The following KCNN3 variants were observed in gnomAD, a reference collection of about 807,000 sequenced individuals.
KCNN3 encodes the protein small conductance calcium-activated potassium channel protein 3.
KCNN3 carries 16 observed loss-of-function variants against 62.9 expected under a neutral mutation model. The ratio of observed to expected loss-of-function variants is 0.25; its 90% CI spans 0.17 to 0.39. The LOEUF is 0.39. KCNN3 is among the 10% of genes least tolerant of loss of function. The probability of loss-of-function intolerance (pLI) is 1.00; values close to 1 mark genes in which losing one functional copy is unlikely to be tolerated. For synonymous variants in KCNN3, 370 were observed against 389.2 expected (o/e 0.95, Z 0.58); for missense variants, 599 against 949.4 (o/e 0.63, Z 4.85).
At chr1:154,838,239 A>G (rs1268039305) in intron 1 of KCNN3, among the ~76,000 whole-genome samples, 1 of 152,154 alleles carries the variant, frequency 6.6e-6, no homozygotes, top group East Asian at 1.9e-4. Flanking sequence ...TGAGGCCTCG[A>G]CTTGGCCAAA....
intron 2 of KCNN3, among the ~76,000 whole-genome samples, chr1:154,780,484 G>C (rs74748492): frequency 0.038 from 5,734 of 149,498 alleles, 160 homozygotes; most frequent in Non-Finnish European, 0.06. Flanking sequence ...TCTGTGGGGA[G>C]AAGAACTTCC....
chr1:154,803,297 T>C (rs771668696), intron 2 of KCNN3, among the ~76,000 whole-genome samples: 81 of 152,300 alleles, frequency 5.3e-4, no homozygotes, highest in Middle Eastern at 3.4e-3. Flanking sequence ...CCCAGGCTAC[T>C]GTAAACATTT....
intron 2 of KCNN3, among the ~76,000 whole-genome samples, chr1:154,797,877 T>C (rs1442285915): frequency 6.6e-6 from 1 of 152,160 alleles, no homozygotes; most frequent in Middle Eastern, 3.2e-3. Context: ...AGGTGTCTTC[T>C]CTCTCTAGGC....
rs900931495 is a variant in KCNN3, at chr1:154,803,467, A to C, written c.1029+18622T>G. Among the ~76,000 whole-genome samples the C allele has an allele frequency of 1.5e-4, 23 of 152,204 alleles. 1 individual carries two copies. Among genetic ancestry groups the C allele is most frequent in the Admixed American group, 7.2e-4 (11 of 15,284 alleles). ...TAGCTCAGTAAGCCCTTTATAAATA[A>C]ACACGTTCATCAACATCTGTCTGCC... is the stretch of plus-strand genomic sequence containing the variant. On this transcript the variant is annotated intron_variant, in intron 2 of 7. Transcript: ENST00000271915.
chr1:154,777,369 G>C (rs559350543), intron 2 of KCNN3, among the ~76,000 whole-genome samples: 71 of 152,224 alleles, frequency 4.7e-4, no homozygotes, highest in Admixed American at 1.8e-3. Flanking sequence ...GTGAATAAAG[G>C]GGTGTGTAGG....
intron 2 of KCNN3, among the ~76,000 whole-genome samples, chr1:154,818,693 T>C (rs1650770595): frequency 6.6e-6 from 1 of 152,236 alleles, no homozygotes. Context: ...CAACTGAAGC[T>C]GCTGGCACCC....
intron 3 of KCNN3, among the ~76,000 whole-genome samples, chr1:154,759,372 CA>C (rs1647895796): frequency 6.6e-6 from 1 of 152,196 alleles, no homozygotes; most frequent in South Asian, 2.1e-4. Context: ...GAGGGGCAAA[CA>C]AAACAACCCC....
At chr1:154,836,274 C>T (rs545603328) in intron 1 of KCNN3, among the ~76,000 whole-genome samples, 6 of 152,172 alleles carry the variant, frequency 3.9e-5, no homozygotes, top group Non-Finnish European at 7.4e-5. Context: ...ACCCCTGGGT[C>T]CCTCTTGCTG....
At chr1:154,788,301 C>CTGGCCA (rs1472908473) in intron 2 of KCNN3, among the ~76,000 whole-genome samples, 2 of 152,184 alleles carry the variant, frequency 1.3e-5, no homozygotes, top group African/African-American at 2.4e-5. Context: ...CTGCCGAGTG[C>CTGGCCA]TGGCCATGTT....
At chr1:154,752,635 A>C (rs956557154) in intron 3 of KCNN3, among the ~76,000 whole-genome samples, 1 of 150,764 alleles carries the variant, frequency 6.6e-6, no homozygotes, top group Non-Finnish European at 1.5e-5. Context: ...GTGTAGAATG[A>C]ATGGCCATGA....
chr1:154,753,661 G>A (rs772420100), intron 3 of KCNN3, among the ~76,000 whole-genome samples: 3 of 152,214 alleles, frequency 2.0e-5, no homozygotes, highest in Non-Finnish European at 2.9e-5. Flanking sequence ...CCTCATCCAC[G>A]AAATAGGGAC....
At chr1:154,721,360 C>T (rs1416773901) in intron 5 of KCNN3, among the ~76,000 whole-genome samples, 1 of 147,054 alleles carries the variant, frequency 6.8e-6, no homozygotes, top group Non-Finnish European at 1.5e-5. Context: ...AGTGCAGTGG[C>T]ACGATCTCAG....
intron 7 of KCNN3, among the ~76,000 whole-genome samples, chr1:154,708,489 C>G (rs1331609398): frequency 6.6e-6 from 1 of 151,924 alleles, no homozygotes; most frequent in Non-Finnish European, 1.5e-5. Flanking sequence ...GTATTAATGA[C>G]AGCATTTTAT....
chr1:154,818,464 G>A lies in KCNN3; in HGVS notation c.1029+3625C>T, dbSNP rs115001315. 3.9e-3 allele frequency among the ~76,000 whole-genome samples: 588 copies of A among 152,332 alleles called. 4 individuals are homozygous for A. The highest frequency in any genetic ancestry group is 0.013 in the African/African-American group (531 of 41,570). On this transcript the variant is annotated intron_variant, in intron 2 of 7. Transcript: ENST00000271915. ...ACTAGGTGGACACTACAGTTTAAAC[G>A]TGTCCCCTCCAAAATTCAGATGTTG...
At chr1:154,737,039 C>T (rs780697849) in intron 3 of KCNN3, 1 of 702,098 alleles carries the variant, frequency 1.4e-6, no homozygotes, top group South Asian at 1.5e-5. Flanking sequence ...ATACATGCAA[C>T]TCACCAAGCA....
At chr1:154,856,380 C>G (rs899023207) in intron 1 of KCNN3, among the ~76,000 whole-genome samples, 25 of 152,198 alleles carry the variant, frequency 1.6e-4, no homozygotes, top group African/African-American at 5.8e-4. Flanking sequence ...ACCCTGCCAA[C>G]ATGCACCATC....
chr1:154,842,328 A>G (rs940556206), intron 1 of KCNN3, among the ~76,000 whole-genome samples: 2 of 152,114 alleles, frequency 1.3e-5, no homozygotes, highest in Admixed American at 6.5e-5. Flanking sequence ...GCACCCACAG[A>G]GCCCTGGCTC....
chr1:154,805,816 CCCAAAATGTCTGTGT>C (rs1403582767), intron 2 of KCNN3, among the ~76,000 whole-genome samples: 1 of 152,118 alleles, frequency 6.6e-6, no homozygotes, highest in Non-Finnish European at 1.5e-5. Flanking sequence ...ATAATGGCCC[CCCAAAATGTCTGTGT>C]CCAAATCACC....
chr1:154,732,907 G>A (rs770739725), intron 4 of KCNN3, 96 bp downstream of exon 4: 24 of 1,399,446 alleles, frequency 1.7e-5, no homozygotes, highest in South Asian at 5.8e-5. Context: ...GCCACCCCCC[G>A]CTCTGCGGCT....
Sources: allele counts gnomAD v4.1 joint callset (sites outside exome capture counted in the v4.1 genomes callset), GRCh38; gene constraint gnomAD v4.1.1; transcripts MANE v1.5; gene names NCBI Gene and HGNC (gene_info 2026-07-23, HGNC 2026-07-21).